Variants in FOCAD observed in about 807,000 individuals in gnomAD.
FOCAD encodes the protein KIAA1797.
A neutral mutation model predicts 225.6 loss-of-function variants in FOCAD; 198 were observed. That is an observed-to-expected ratio of 0.88 (90% confidence interval 0.78 to 0.99). The LOEUF (loss-of-function observed/expected upper bound fraction) is 0.99. Among genes scored for constraint, FOCAD ranks in the 50% least tolerant of loss-of-function variants. The pLI, the probability that FOCAD is intolerant of heterozygous loss-of-function variation, is 0.00. For synonymous variants in FOCAD, 897 were observed against 755.0 expected (o/e 1.19, Z -3.08); for missense variants, 2,713 against 2,123.6 (o/e 1.28, Z -5.46).
At chr9:20,855,316 G>A (rs1004322031) in intron 15 of FOCAD, among the ~76,000 whole-genome samples, 4 of 151,492 alleles carry the variant, frequency 2.6e-5, no homozygotes, top group African/African-American at 9.7e-5. Flanking sequence ...AATATGTCAA[G>A]GAACTAGCAG....
intron 10 of FOCAD, chr9:20,787,134 A>G (rs1442912605): frequency 5.3e-6 from 1 of 187,124 alleles, no homozygotes; most frequent in Non-Finnish European, 1.1e-5. Flanking sequence ...ACCTGGACAT[A>G]ACAGTTCAAG....
chr9:20,964,995 G>A (rs558563391), intron 35 of FOCAD, among the ~76,000 whole-genome samples: 43 of 152,184 alleles, frequency 2.8e-4, no homozygotes, highest in Admixed American at 2.6e-3. Context: ...TAAAATATGG[G>A]AGAAAGGCCT....
intron 21 of FOCAD, among the ~76,000 whole-genome samples, chr9:20,890,743 T>C (rs1337138112): frequency 6.6e-6 from 1 of 152,160 alleles, no homozygotes; most frequent in Non-Finnish European, 1.5e-5. Context: ...TATAGAATTG[T>C]TATTAATTTT....
At chr9:20,847,007 T>C (rs1476198663) in intron 15 of FOCAD, among the ~76,000 whole-genome samples, 11 of 152,268 alleles carry the variant, frequency 7.2e-5, no homozygotes, top group Admixed American at 6.6e-4. Context: ...TTTCTCTGAT[T>C]CCAAAACATC....
chr9:20,850,554 T>G (rs1485424259), intron 15 of FOCAD, among the ~76,000 whole-genome samples: 1 of 151,812 alleles, frequency 6.6e-6, no homozygotes, highest in Non-Finnish European at 1.5e-5. Flanking sequence ...AGAAAATAAA[T>G]CTTTTGCAGT....
At chr9:20,980,817 T>TC (rs1840627897) in intron 37 of FOCAD, among the ~76,000 whole-genome samples, 1 of 152,210 alleles carries the variant, frequency 6.6e-6, no homozygotes, top group Non-Finnish European at 1.5e-5. Context: ...GAAGCCCACT[T>TC]GGTTGAAGTC....
intron 1 of FOCAD, among the ~76,000 whole-genome samples, chr9:20,694,180 A>G (rs1823156286): frequency 6.6e-6 from 1 of 152,228 alleles, no homozygotes; most frequent in African/African-American, 2.4e-5. Flanking sequence ...CATTTTTTGT[A>G]CAAAGCAAAG....
chr9:20,816,473 G>C lies in FOCAD; in HGVS notation c.1456-3323G>C, dbSNP rs528262228. Reference sequence around the variant, plus strand: ...CTGTTCCAATCAAGTCTCTGCACTTGTTAAAAACATCATACATTTTGGCTG... The same window carrying C: ...CTGTTCCAATCAAGTCTCTGCACTTCTTAAAAACATCATACATTTTGGCTG... On this transcript the variant is annotated intron_variant, in intron 11 of 43. Transcript: ENST00000338382. Among the ~76,000 whole-genome samples the C allele has an allele frequency of 2.6e-5, 4 of 152,232 alleles. No homozygotes were observed. In the East Asian group the frequency reaches 7.7e-4, roughly 29 times the overall value.
chr9:20,890,252 G>A (rs1187187525), intron 21 of FOCAD, among the ~76,000 whole-genome samples: 2 of 151,392 alleles, frequency 1.3e-5, no homozygotes, highest in Admixed American at 6.6e-5. Flanking sequence ...TTCTTGTCTC[G>A]TTCACTTAGG....
chr9:20,877,923 A>G (rs528131328), intron 19 of FOCAD, among the ~76,000 whole-genome samples: 5 of 152,098 alleles, frequency 3.3e-5, no homozygotes, highest in Non-Finnish European at 5.9e-5. Flanking sequence ...CAAACAAACA[A>G]ACAAAAACCC....
At chr9:20,779,868 G>A (rs1819193307) in intron 9 of FOCAD, among the ~76,000 whole-genome samples, 1 of 152,102 alleles carries the variant, frequency 6.6e-6, no homozygotes, top group East Asian at 1.9e-4. Flanking sequence ...CTTGGAAATG[G>A]CTTTAGCACA....
chr9:20,690,440 T>G (rs1171930507), intron 1 of FOCAD, among the ~76,000 whole-genome samples: 1 of 152,228 alleles, frequency 6.6e-6, no homozygotes, highest in African/African-American at 2.4e-5. Flanking sequence ...CCAATTTCTT[T>G]CCTTCTATTC....
rs150496231 is a variant in FOCAD at position 20,742,563 on chromosome 9, A to G, written c.392+2223A>G. ...CTAAGAGTGCCAGAGTCAGAACTGCATTTTAGAAAGATTTTCTACGTAATT... is the reference window on the plus strand; with the variant it reads ...CTAAGAGTGCCAGAGTCAGAACTGCGTTTTAGAAAGATTTTCTACGTAATT... On this transcript the variant is annotated intron_variant, in intron 5 of 43. Coordinates refer to ENST00000338382, the MANE Select transcript of FOCAD (RefSeq NM_001375567.1). Among the ~76,000 whole-genome samples, 908 of 152,334 alleles carry G rather than the reference A, an allele frequency of 6.0e-3. 9 individuals are homozygous for G. Among genetic ancestry groups the G allele is most frequent in the African/African-American group, 0.021 (867 of 41,582 alleles).
intron 11 of FOCAD, among the ~76,000 whole-genome samples, chr9:20,790,974 C>T (rs956700008): frequency 1.3e-5 from 2 of 152,042 alleles, no homozygotes; most frequent in South Asian, 2.1e-4. Flanking sequence ...ATGGTGTATG[C>T]GTAATGTGAA....
intron 35 of FOCAD, among the ~76,000 whole-genome samples, chr9:20,969,711 A>AAT (rs1554746676): frequency 6.8e-6 from 1 of 147,934 alleles, no homozygotes; most frequent in South Asian, 2.1e-4. Context: ...AATATAAAAA[A>AAT]ATATATATAT....
At chr9:20,682,391 C>A (rs1222205512), upstream of FOCAD, among the ~76,000 whole-genome samples, 1 of 152,286 alleles carries the variant, frequency 6.6e-6, no homozygotes, top group East Asian at 1.9e-4. Flanking sequence ...TGCTTGGATT[C>A]AAGTTTTGGC....
intron 33 of FOCAD, 84 bp from the exon 34 acceptor site, chr9:20,950,912 A>T: frequency 8.6e-7 from 1 of 1,157,508 alleles, no homozygotes; most frequent in Non-Finnish European, 1.3e-6. Flanking sequence ...CTCCTAAATG[A>T]CTGGTGACTT....
chr9:20,937,862 T>C (rs1337403343), intron 28 of FOCAD, among the ~76,000 whole-genome samples: 4 of 152,066 alleles, frequency 2.6e-5, no homozygotes, highest in Non-Finnish European at 5.9e-5. Context: ...GAATCTACAA[T>C]GAACTCAAAC....
chr9:20,980,857 C>A (rs1026915734), intron 37 of FOCAD, among the ~76,000 whole-genome samples: 1 of 152,184 alleles, frequency 6.6e-6, no homozygotes, highest in East Asian at 1.9e-4. Flanking sequence ...TACTAACATG[C>A]CCTTTCTTGG....
Sources: gnomAD v4.1 joint callset for allele counts (sites outside exome capture counted in the v4.1 genomes callset) on GRCh38, gnomAD v4.1.1 for gene constraint, MANE v1.5 for transcripts, NCBI Gene and HGNC (gene_info 2026-07-23, HGNC 2026-07-21) for gene names.